The following PBRM1 variants were observed in gnomAD, a reference collection of about 807,000 sequenced individuals.
The protein encoded by PBRM1 is protein polybromo-1.
PBRM1 carries 27 observed loss-of-function variants against 194.5 expected under a neutral mutation model. The observed-to-expected ratio is 0.14, with a 90% CI of 0.10 to 0.19. PBRM1 has a LOEUF of 0.19. Among genes scored for constraint, PBRM1 ranks in the 10% least tolerant of loss-of-function variants. The pLI is 1.00. For missense variants in PBRM1, 1,466 were observed against 2,077.2 expected, an observed-to-expected ratio of 0.71 and a Z score of 5.72; for synonymous variants, 655 against 693.2, an observed-to-expected ratio of 0.94 and a Z score of 0.87.
intron 11 of PBRM1, among the ~76,000 whole-genome samples, chr3:52,630,556 T>C (rs1202775409): frequency 6.6e-6 from 1 of 152,270 alleles, no homozygotes; most frequent in Non-Finnish European, 1.5e-5. Flanking sequence ...TGAATAGCAC[T>C]GCCCCTAGAC....
At chr3:52,561,623 T>C in intron 25 of PBRM1, 144 bp downstream of exon 27, 2 of 740,460 alleles carry the variant, frequency 2.7e-6, no homozygotes, top group East Asian at 2.5e-5. Context: ...GCATCTAAAA[T>C]ACTGGTTGGG....
intron 16 of PBRM1, among the ~76,000 whole-genome samples, chr3:52,607,681 G>A (rs2094417552): frequency 6.6e-6 from 1 of 152,176 alleles, no homozygotes; most frequent in Non-Finnish European, 1.5e-5. Context: ...CTACATGAAA[G>A]CAGAGTTTGT....
At chr3:52,602,113 A>G (rs1439513212) in intron 17 of PBRM1, among the ~76,000 whole-genome samples, 1 of 152,140 alleles carries the variant, frequency 6.6e-6, no homozygotes, top group Non-Finnish European at 1.5e-5. Flanking sequence ...TAAGATTTTC[A>G]TCGGTTTGAT....
chr3:52,578,875 A>G, intron 21 of PBRM1, 179 bp downstream of exon 23: 1 of 671,920 alleles, frequency 1.5e-6, no homozygotes, highest in Non-Finnish European at 2.7e-6. Context: ...GAAGAAAACA[A>G]AAGAGCCCAA....
At position 52,582,305 on chromosome 3, in the gene PBRM1, G is replaced by A. The variant is rs191674264; in HGVS notation, c.3388-3106C>T. Reference sequence around the variant, plus strand: ...TCATATAATATTGAAATAAAGATATGAGACCAAAAAAGACCAAGTAACTCA... The same window carrying A: ...TCATATAATATTGAAATAAAGATATAAGACCAAAAAAGACCAAGTAACTCA... On this transcript the variant is annotated intron_variant, in intron 20 of 29. Transcript: ENST00000296302. Among the ~76,000 whole-genome samples the A allele has an allele frequency of 4.6e-5, 7 of 150,576 alleles. No individual in the cohort carries two copies. The East Asian group carries it at 9.8e-4, about 21-fold the overall frequency.
At chr3:52,554,873 A>C in exon 27 of PBRM1, 1 of 1,607,636 alleles carries the variant, frequency 6.2e-7, no homozygotes, top group Non-Finnish European at 8.5e-7. Context: ...ATAGCCACCC[A>C]TCATGCCTTG....
At chr3:52,582,864 G>A (rs1161311985) in intron 20 of PBRM1, among the ~76,000 whole-genome samples, 17 of 151,868 alleles carry the variant, frequency 1.1e-4, no homozygotes, top group South Asian at 1.0e-3. Flanking sequence ...TTGGGAGGCC[G>A]AGGCGGGCGG....
chr3:52,567,007 T>C (rs1000658651), intron 22 of PBRM1, among the ~76,000 whole-genome samples: 7 of 147,832 alleles, frequency 4.7e-5, no homozygotes, highest in African/African-American at 1.8e-4. Flanking sequence ...AGGCGGAGGT[T>C]GCAGGGAGCC....
chr3:52,620,401 C>T (rs192872555), intron 13 of PBRM1, among the ~76,000 whole-genome samples: 40 of 152,252 alleles, frequency 2.6e-4, no homozygotes, highest in Admixed American at 4.6e-4. Flanking sequence ...GAAATTAGTC[C>T]TCATTCTAGC....
Position 52,571,636 on chromosome 3 carries a change from A to T in PBRM1, c.3691+4905T>A, listed in dbSNP as rs1178750431. Among the ~76,000 whole-genome samples the T allele has an allele frequency of 2.1e-4, 32 of 149,782 alleles. No individual in the cohort carries two copies. In the South Asian group the frequency reaches 5.0e-3, roughly 24 times the overall value. On this transcript the variant is annotated intron_variant, in intron 22 of 29. Transcript: ENST00000296302. ...AGCGAAACTCCATCTCAAAAAAAAAAAAAAAAAAAAAAAAAAGATTTATTC... is the reference window on the plus strand; with the variant it reads ...AGCGAAACTCCATCTCAAAAAAAAATAAAAAAAAAAAAAAAAGATTTATTC...
chr3:52,551,103 T>C (rs989091180), intron 27 of PBRM1, among the ~76,000 whole-genome samples: 2 of 152,268 alleles, frequency 1.3e-5, no homozygotes, highest in African/African-American at 4.8e-5. Flanking sequence ...CTAGGTAAGC[T>C]ATTGTCAGAA....
At chr3:52,570,521 A>G (rs1269028226) in intron 22 of PBRM1, among the ~76,000 whole-genome samples, 1 of 152,230 alleles carries the variant, frequency 6.6e-6, no homozygotes, top group Non-Finnish European at 1.5e-5. Flanking sequence ...AAAAAATAAT[A>G]ATTCTGCTTA....
chr3:52,549,965 C>T (rs2080512001), intron 29 of PBRM1, among the ~76,000 whole-genome samples: 1 of 151,238 alleles, frequency 6.6e-6, no homozygotes, highest in South Asian at 2.1e-4. Context: ...CGCCTGTAAT[C>T]CCAGCACTTT....
chr3:52,650,161 G>A (rs1429042704), intron 6 of PBRM1, among the ~76,000 whole-genome samples: 2 of 151,844 alleles, frequency 1.3e-5, no homozygotes, highest in African/African-American at 4.8e-5. Flanking sequence ...TCAGGAGTTC[G>A]AGATCAGCCT....
At chr3:52,592,154 G>A (rs532398024) in intron 17 of PBRM1, among the ~76,000 whole-genome samples, 1 of 130,296 alleles carries the variant, frequency 7.7e-6, no homozygotes, top group East Asian at 2.3e-4. Context: ...TAAGACTTGA[G>A]ATGGATTCTC....
intron 16 of PBRM1, among the ~76,000 whole-genome samples, chr3:52,606,566 G>A (rs2094358990): frequency 6.6e-6 from 1 of 152,092 alleles, no homozygotes; most frequent in Middle Eastern, 3.2e-3. Context: ...CCTAGTATAT[G>A]CTTTTGTTTA....
At chr3:52,634,846 G>T (rs774625903) in intron 10 of PBRM1, 31 bp from the exon 12 acceptor site, 1 of 1,437,976 alleles carries the variant, frequency 7.0e-7, no homozygotes, top group Non-Finnish European at 9.7e-7. Context: ...TTTATAAAGG[G>T]ACGAATGAGA....
chr3:52,564,996 G>A (rs150326304), intron 22 of PBRM1, among the ~76,000 whole-genome samples: 2 of 151,806 alleles, frequency 1.3e-5, no homozygotes, highest in East Asian at 2.0e-4. Context: ...TCAAGAGATC[G>A]AGACCGTCCT....
intron 25 of PBRM1, among the ~76,000 whole-genome samples, chr3:52,558,731 C>T (rs555852464): frequency 1.5e-4 from 23 of 152,302 alleles, no homozygotes; most frequent in African/African-American, 4.6e-4. Flanking sequence ...ACGAGGCACC[C>T]TGAAGATGAG....
Sources: allele counts gnomAD v4.1 joint callset (sites outside exome capture counted in the v4.1 genomes callset), GRCh38; gene constraint gnomAD v4.1.1; transcripts MANE v1.5; gene names NCBI Gene and HGNC (gene_info 2026-07-23, HGNC 2026-07-21).